The following VPS39 variants were observed in gnomAD, a reference collection of about 807,000 sequenced individuals.
VPS39 encodes the protein VPS39 subunit of HOPS complex, also known as vam6/Vps39-like protein.
VPS39 carries 70 observed loss-of-function variants against 121.0 expected under a neutral mutation model. The ratio of observed to expected loss-of-function variants is 0.58; its 90% CI spans 0.48 to 0.71. The LOEUF (loss-of-function observed/expected upper bound fraction) is 0.71, where lower values mean the gene tolerates loss of function less well. Ranked by LOEUF, VPS39 falls within the 30% of genes least tolerant of loss-of-function variation. The probability of loss-of-function intolerance (pLI) is 0.00; values close to 1 mark genes in which losing one functional copy is unlikely to be tolerated. For missense variants in VPS39, 818 were observed against 1,051.5 expected (o/e 0.78, Z 3.07); for synonymous variants, 378 against 398.1 (o/e 0.95, Z 0.60).
intron 1 of VPS39, among the ~76,000 whole-genome samples, chr15:42,203,327 C>G (rs929274920): frequency 6.6e-6 from 1 of 152,052 alleles, no homozygotes; most frequent in African/African-American, 2.4e-5. Context: ...AAAAAATTAG[C>G]CAGGCATGGT....
intron 4 of VPS39, among the ~76,000 whole-genome samples, chr15:42,189,721 T>G (rs1595673078): frequency 1.6e-5 from 1 of 63,208 alleles, no homozygotes; most frequent in African/African-American, 5.6e-5. Flanking sequence ...AGAGTGAGAC[T>G]CCGTCTCAAA....
rs1018156573 is a variant in VPS39 at position 42,165,576 on chromosome 15, T to C, written c.1779+142A>G. On this transcript the variant is annotated intron_variant, in intron 17 of 24. Transcript: ENST00000318006. ...CCAGCTTGGTCTACTGGGATCTTTTTCTTCAGAGGAAGCTGAAATAACCCT... is the reference window on the plus strand; with the variant it reads ...CCAGCTTGGTCTACTGGGATCTTTTCCTTCAGAGGAAGCTGAAATAACCCT... 4 of 638,828 alleles carry C rather than the reference T, an allele frequency of 6.3e-6. No homozygotes were observed. The African/African-American group carries it at 7.3e-5, about 12-fold the overall frequency. 39.6% of individuals were successfully genotyped at this position (638,828 alleles called of 1,614,324 possible).
intron 3 of VPS39, 109 bp downstream of exon 3, chr15:42,191,387 G>A (rs2049824723): frequency 8.3e-7 from 1 of 1,202,976 alleles, no homozygotes; most frequent in South Asian, 1.4e-5. Context: ...ATAAATAGAA[G>A]GTCAAAGAGA....
intron 11 of VPS39, among the ~76,000 whole-genome samples, chr15:42,173,181 C>T (rs685447): frequency 1 from 151,849 of 152,378 alleles, 75,665 homozygotes; most frequent in Middle Eastern, 1. Context: ...CACTCTAAAG[C>T]AAGCAGTAGT....
rs766922344 is a variant in VPS39 at position 42,169,754 on chromosome 15, A to G, written c.1203T>C (p.Ala401=). 22 of 1,613,952 alleles carry G rather than the reference A, an allele frequency of 1.4e-5. No homozygotes were observed. The East Asian group carries it at 4.5e-4, about 33-fold the overall frequency. ...PVLSGAELEK[A]HLALIDYLTQ... ...TCAGGTAGTCAATCAGAGCTAAGTG[A>G]GCCTTCTCCAATTCAGCCCCGGAGA... The change falls in exon 12 of 25, where the codon GCT becomes GCC. Residue 401 remains alanine (A), a synonymous_variant. Coordinates refer to ENST00000318006, the MANE Select transcript of VPS39 (RefSeq NM_015289.5).
intron 7 of VPS39, among the ~76,000 whole-genome samples, chr15:42,185,178 CTTTT>C (rs34792839): frequency 5.1e-5 from 7 of 136,232 alleles, no homozygotes; most frequent in African/African-American, 1.6e-4. Context: ...TTGAAAACAA[CTTTT>C]TTTTTTTTTT....
intron 1 of VPS39, among the ~76,000 whole-genome samples, chr15:42,204,520 G>C (rs1306715211): frequency 6.6e-6 from 1 of 152,078 alleles, no homozygotes; most frequent in African/African-American, 2.4e-5. Flanking sequence ...TATGGTGGTG[G>C]GTGGCAGTAA....
At chr15:42,179,607 AAAT>A in intron 8 of VPS39, among the ~76,000 whole-genome samples, 1 of 140,436 alleles carries the variant, frequency 7.1e-6, no homozygotes, top group Non-Finnish European at 1.5e-5. Flanking sequence ...ATAAATAAAT[AAAT>A]AAATAAATAA....
chr15:42,170,307 C>T (rs1161156178), intron 11 of VPS39, among the ~76,000 whole-genome samples: 3 of 152,082 alleles, frequency 2.0e-5, no homozygotes, highest in African/African-American at 7.2e-5. Context: ...TTGTTGATTA[C>T]AAGACTGGGC....
intron 2 of VPS39, among the ~76,000 whole-genome samples, chr15:42,197,966 A>C (rs1566910274): frequency 6.6e-6 from 1 of 152,262 alleles, no homozygotes; most frequent in Non-Finnish European, 1.5e-5. Flanking sequence ...TTTCTTGAAG[A>C]AAAGTTTCAA....
At chr15:42,183,064 A>T (rs541684109) in intron 8 of VPS39, among the ~76,000 whole-genome samples, 1 of 150,918 alleles carries the variant, frequency 6.6e-6, no homozygotes, top group Admixed American at 6.6e-5. Context: ...CTTATCTCTA[A>T]CCACAACCAG....
Position 42,166,912 on chromosome 15 carries a change from G to C in VPS39, c.1379C>G (p.Thr460Arg). Residue 460 changes from threonine to arginine, a missense_variant and splice_region_variant, in exon 14 of 25, where the codon ACA becomes AGA. Physicochemically the swap from Thr to Arg is moderately conservative, Grantham distance 71. Coordinates refer to ENST00000318006, the MANE Select transcript of VPS39 (RefSeq NM_015289.5). ...CAAGGGGGCCACCAGGGCCACATTT[G>C]TCTGCAGAAAGAGCAGGAGTTCAGT... is the stretch of plus-strand genomic sequence containing the variant. ...DTTLLKCYLH[T>R]NVALVAPLLR... is the part of the protein sequence containing the mutation. 6.2e-7 allele frequency: 1 copy of C among 1,614,200 alleles called. No homozygotes were observed. Among genetic ancestry groups the C allele is most frequent in the Non-Finnish European group, 8.5e-7 (1 of 1,180,040 alleles).
chr15:42,163,944 A>T (rs915167894), intron 19 of VPS39, among the ~76,000 whole-genome samples: 10 of 152,216 alleles, frequency 6.6e-5, no homozygotes, highest in Non-Finnish European at 1.5e-4. Context: ...TTGAGGTCAC[A>T]TATAAACTGG....
intron 4 of VPS39, among the ~76,000 whole-genome samples, chr15:42,190,008 T>C (rs369585280): frequency 5.0e-4 from 76 of 151,740 alleles, no homozygotes; most frequent in African/African-American, 1.8e-3. Flanking sequence ...GGAGATGAGG[T>C]CTCCCTGTGT....
At chr15:42,162,567 G>A in intron 21 of VPS39, 86 bp from the exon 22 acceptor site, 1 of 1,435,574 alleles carries the variant, frequency 7.0e-7, no homozygotes. Flanking sequence ...GATTCGAGGG[G>A]CTCGCCTACA....
At chr15:42,202,972 T>G (rs1295498654) in intron 1 of VPS39, among the ~76,000 whole-genome samples, 1 of 152,244 alleles carries the variant, frequency 6.6e-6, no homozygotes, top group Non-Finnish European at 1.5e-5. Context: ...CTATTTTCCA[T>G]TTTTATTGAA....
intron 11 of VPS39, among the ~76,000 whole-genome samples, chr15:42,173,330 G>A (rs896986948): frequency 2.0e-5 from 3 of 152,260 alleles, no homozygotes; most frequent in Admixed American, 2.0e-4. Flanking sequence ...TTAAGAAAAG[G>A]AAGAGCTTCA....
At chr15:42,162,674 T>C in intron 21 of VPS39, 193 bp from the exon 22 acceptor site, 3 of 576,554 alleles carry the variant, frequency 5.2e-6, no homozygotes, top group Non-Finnish European at 8.0e-6. Context: ...AGGATTGCTT[T>C]TTCCCTGAGA....
At position 42,167,479 on chromosome 15, in the gene VPS39, G is replaced by A. The variant is rs1295814963; in HGVS notation, c.1292C>T (p.Pro431Leu). The change falls in exon 13 of 25, where the codon CCG becomes CTG. Residue 431 changes from proline to leucine, a missense_variant. Transcript: ENST00000318006. The stretch of plus-strand genomic sequence containing the variant: ...GATGGTGGGAGTGCCTTCCATGAGC[G>A]GTGAGGTGCTTGACTGGTGATCAGA... ...NDSDHQSSTS[P>L]LMEGTPTIKS... 6 of 1,613,984 alleles carry A rather than the reference G, an allele frequency of 3.7e-6. No individual in the cohort carries two copies. Among genetic ancestry groups the A allele is most frequent in the South Asian group, 2.2e-5 (2 of 91,068 alleles).
Sources: gnomAD v4.1 joint callset for allele counts (sites outside exome capture counted in the v4.1 genomes callset) on GRCh38, gnomAD v4.1.1 for gene constraint, MANE v1.5 for transcripts, NCBI Gene and HGNC (gene_info 2026-07-23, HGNC 2026-07-21) for gene names.